Variants in SORCS3 observed in about 807,000 individuals in gnomAD.
SORCS3 encodes the protein sortilin related VPS10 domain containing receptor 3.
A neutral mutation model predicts 146.3 loss-of-function variants in SORCS3; 57 were observed. The observed-to-expected ratio is 0.39, with a 90% CI of 0.31 to 0.49. The LOEUF is 0.49. SORCS3 is among the 20% of genes least tolerant of loss of function. The pLI, the probability that SORCS3 is intolerant of heterozygous loss-of-function variation, is 0.92. For missense variants in SORCS3, 1,341 were observed against 1,575.5 expected (o/e 0.85, Z 2.52); for synonymous variants, 653 against 618.5 (o/e 1.06, Z -0.83).
intron 16 of SORCS3, among the ~76,000 whole-genome samples, chr10:105,208,367 A>G (rs2056615036): frequency 6.6e-6 from 1 of 150,776 alleles, no homozygotes; most frequent in Non-Finnish European, 1.5e-5. Context: ...AAAAAAAGAG[A>G]AATAAGAGAT....
intron 7 of SORCS3, among the ~76,000 whole-genome samples, chr10:105,123,780 G>A (rs2055953036): frequency 6.6e-6 from 1 of 152,104 alleles, no homozygotes; most frequent in Non-Finnish European, 1.5e-5. Flanking sequence ...CACTTATTCT[G>A]TCAGTCTCCC....
At chr10:105,163,875 TACGC>T (rs1564771978) in intron 11 of SORCS3, among the ~76,000 whole-genome samples, 2 of 116,194 alleles carry the variant, frequency 1.7e-5, no homozygotes, top group Admixed American at 1.8e-4. Flanking sequence ...GACACACAGT[TACGC>T]ACATACACAC....
intron 3 of SORCS3, among the ~76,000 whole-genome samples, chr10:104,950,475 C>T (rs1460241925): frequency 1.3e-5 from 2 of 152,044 alleles, no homozygotes; most frequent in African/African-American, 2.4e-5. Context: ...GGAAGCATTG[C>T]GTGTAAATAA....
chr10:105,054,733 C>T (rs996460651), intron 5 of SORCS3, among the ~76,000 whole-genome samples: 2 of 151,984 alleles, frequency 1.3e-5, no homozygotes, highest in African/African-American at 2.4e-5. Context: ...TCGCAGCTTT[C>T]GTTTTACTGG....
chr10:104,824,601 GGGTGCTGGAGGTGCTGAGCGCTGTCCCA>G (rs1299385608), intron 1 of SORCS3, among the ~76,000 whole-genome samples: 2 of 152,086 alleles, frequency 1.3e-5, no homozygotes, highest in Non-Finnish European at 2.9e-5. Flanking sequence ...ACGCTGTCCC[GGGTGCTGGAGGTGCTGAGCGCTGTCCCA>G]GGTGCTGGAG....
intron 3 of SORCS3, among the ~76,000 whole-genome samples, chr10:104,953,645 C>G (rs2019457229): frequency 6.6e-6 from 1 of 152,184 alleles, no homozygotes; most frequent in South Asian, 2.1e-4. Context: ...TACATGTCCT[C>G]CACTGTGTGT....
intron 2 of SORCS3, among the ~76,000 whole-genome samples, chr10:104,843,453 A>G (rs907792930): frequency 6.6e-6 from 1 of 152,244 alleles, no homozygotes; most frequent in African/African-American, 2.4e-5. Flanking sequence ...AATATCATAT[A>G]TTAAAACACT....
chr10:105,070,646 C>T (rs2055550615), intron 5 of SORCS3, among the ~76,000 whole-genome samples: 1 of 152,206 alleles, frequency 6.6e-6, no homozygotes, highest in Non-Finnish European at 1.5e-5. Flanking sequence ...ACAGGACCCT[C>T]CCTTGATAGT....
intron 7 of SORCS3, among the ~76,000 whole-genome samples, chr10:105,120,536 A>G (rs1223602291): frequency 7.2e-5 from 11 of 152,102 alleles, no homozygotes; most frequent in Admixed American, 4.6e-4. Flanking sequence ...ATGCCCATCA[A>G]TCCCTTAAGC....
chr10:104,876,069 A>G (rs1039810054), intron 2 of SORCS3, among the ~76,000 whole-genome samples: 1 of 152,164 alleles, frequency 6.6e-6, no homozygotes, highest in African/African-American at 2.4e-5. Context: ...TAAAGTAGCA[A>G]ATTGTATTTC....
chr10:104,823,702 G>A (rs1424608110), intron 1 of SORCS3, among the ~76,000 whole-genome samples: 1 of 152,144 alleles, frequency 6.6e-6, no homozygotes, highest in Non-Finnish European at 1.5e-5. Context: ...CTTTAACTTG[G>A]TGTAGTTGGC....
At chr10:104,836,074 C>A (rs1465121112) in intron 1 of SORCS3, among the ~76,000 whole-genome samples, 2 of 152,174 alleles carry the variant, frequency 1.3e-5, no homozygotes, top group Non-Finnish European at 2.9e-5. Context: ...GCCTTGCAAG[C>A]TCCATCCAGG....
chr10:104,897,935 A>C (rs1209161341), intron 2 of SORCS3, among the ~76,000 whole-genome samples: 1 of 152,338 alleles, frequency 6.6e-6, no homozygotes, highest in Admixed American at 6.5e-5. Flanking sequence ...AGTCCAGCTC[A>C]TTCATTCTAG....
chr10:105,169,343 G>A (rs2056341190), intron 13 of SORCS3, among the ~76,000 whole-genome samples: 1 of 152,130 alleles, frequency 6.6e-6, no homozygotes, highest in African/African-American at 2.4e-5. Context: ...TGTGTGACTA[G>A]AAGTGAAAGC....
intron 19 of SORCS3, among the ~76,000 whole-genome samples, chr10:105,219,623 G>A (rs938642929): frequency 5.3e-5 from 8 of 152,218 alleles, no homozygotes; most frequent in Non-Finnish European, 1.0e-4. Flanking sequence ...TTTTGGCACA[G>A]TGTGCAGAAT....
chr10:105,073,446 G>C (rs141246896), intron 5 of SORCS3, among the ~76,000 whole-genome samples: 94 of 152,290 alleles, frequency 6.2e-4, no homozygotes, highest in African/African-American at 2.2e-3. Flanking sequence ...ATTAATGCTG[G>C]TGTGCTCTGC....
intron 2 of SORCS3, among the ~76,000 whole-genome samples, chr10:104,848,067 A>G (rs1241166865): frequency 6.6e-6 from 1 of 152,052 alleles, no homozygotes; most frequent in Non-Finnish European, 1.5e-5. Context: ...CGTGTGCCTT[A>G]GTTGTTTCTG....
intron 1 of SORCS3, among the ~76,000 whole-genome samples, chr10:104,671,792 T>C (rs1385346291): frequency 6.6e-6 from 1 of 152,196 alleles, no homozygotes; most frequent in African/African-American, 2.4e-5. Flanking sequence ...TTTTCATAAG[T>C]TGAACCATCC....
chr10:104,794,280 C>T (rs2017526444), intron 1 of SORCS3, among the ~76,000 whole-genome samples: 1 of 152,188 alleles, frequency 6.6e-6, no homozygotes, highest in South Asian at 2.1e-4. Context: ...GTGTGTCACT[C>T]TTCAGCTCTC....
Sources: allele counts gnomAD v4.1 joint callset (sites outside exome capture counted in the v4.1 genomes callset), GRCh38; gene constraint gnomAD v4.1.1; transcripts MANE v1.5; gene names NCBI Gene and HGNC (gene_info 2026-07-23, HGNC 2026-07-21).